SCG5: variants seen among roughly 807,000 people sequenced by gnomAD.
SCG5 encodes neuroendocrine protein 7B2.
SCG5 carries 18 observed loss-of-function variants against 25.7 expected under a neutral mutation model. That is an observed-to-expected ratio of 0.70 (90% CI 0.48 to 1.04). The LOEUF (loss-of-function observed/expected upper bound fraction) is 1.04, where lower values mean the gene tolerates loss of function less well. Ranked by LOEUF, SCG5 falls within the 50% of genes least tolerant of loss-of-function variation. SCG5 has a pLI of 0.00. For synonymous variants in SCG5, 101 were observed against 91.7 expected (o/e 1.10, Z -0.58); for missense variants, 206 against 259.8 (o/e 0.79, Z 1.42).
rs143250198 is a variant in SCG5 at position 32,660,939 on chromosome 15, T to C, written c.226+17121T>C. Among the ~76,000 whole-genome samples, 575 of 152,360 alleles carry C rather than the reference T, an allele frequency of 3.8e-3. 2 individuals are homozygous for C. The highest frequency in any genetic ancestry group is 0.013 in the African/African-American group (550 of 41,586). On this transcript the variant is annotated intron_variant, in intron 2 of 5. Transcript: ENST00000300175. ...TGGAATGGATAATTGAGATATAATT[T>C]AAAGGGTAGAATATATTCTTTCTAT...
intron 2 of SCG5, among the ~76,000 whole-genome samples, chr15:32,676,372 C>T (rs2054530721): frequency 6.6e-6 from 1 of 152,188 alleles, no homozygotes; most frequent in Non-Finnish European, 1.5e-5. Context: ...CTGTTTGCTT[C>T]CTTCATTAAT....
At position 32,692,190 on chromosome 15, in the gene SCG5, G is replaced by C. The variant is rs369374071; in HGVS notation, c.543+427G>C. 51 of 1,011,004 alleles carry C rather than the reference G, an allele frequency of 5.0e-5. No individual in the cohort carries two copies. In the East Asian group the frequency reaches 3.7e-3, roughly 73 times the overall value. The allele number at this position is 1,011,004 out of a possible 1,614,324, so 62.6% of individuals were successfully genotyped here. Reference sequence around the variant, plus strand: ...GGAAGTGCTGAACTGCATGCTCCAGGAAATAACTTTGAAGGAATTCGGGAG... The same window carrying C: ...GGAAGTGCTGAACTGCATGCTCCAGCAAATAACTTTGAAGGAATTCGGGAG... On this transcript the variant is annotated intron_variant, in intron 5 of 5. Coordinates refer to ENST00000300175, the MANE Select transcript of SCG5 (RefSeq NM_001144757.3).
chr15:32,669,887 C>T (rs574448030), intron 2 of SCG5, among the ~76,000 whole-genome samples: 55 of 150,950 alleles, frequency 3.6e-4, no homozygotes, highest in African/African-American at 9.7e-4. Flanking sequence ...AAAAAATACA[C>T]GTTTTCTCCT....
chr15:32,690,672 T>C (rs1375872485), intron 4 of SCG5, among the ~76,000 whole-genome samples: 1 of 152,176 alleles, frequency 6.6e-6, no homozygotes, highest in Non-Finnish European at 1.5e-5. Flanking sequence ...ACGTGAAAAA[T>C]GATGAAGCTC....
intron 4 of SCG5, 146 bp from the exon 5 acceptor site, chr15:32,691,564 C>T (rs1356549472): frequency 4.4e-6 from 3 of 689,086 alleles, no homozygotes; most frequent in African/African-American, 1.8e-5. Context: ...ATCTTTCTGA[C>T]ACGACATTCC....
At position 32,668,229 on chromosome 15, in the gene SCG5, A is replaced by G. The variant is rs76710702; in HGVS notation, c.227-11537A>G. Among the ~76,000 whole-genome samples, 11 of 152,368 alleles carry G rather than the reference A, an allele frequency of 7.2e-5. No homozygotes were observed. In the East Asian group the frequency reaches 2.1e-3, roughly 29 times the overall value. On this transcript the variant is annotated intron_variant, in intron 2 of 5. Transcript: ENST00000300175. ...ACTCAGAAACAGAAAAGAATTTTCT[A>G]TGAGATTACTGTCTAAAACAAATGT...
At chr15:32,642,787 A>G (rs958334313) in intron 1 of SCG5, among the ~76,000 whole-genome samples, 1 of 152,032 alleles carries the variant, frequency 6.6e-6, no homozygotes, top group African/African-American at 2.4e-5. Context: ...TCTAACCTCC[A>G]GAACTGTTAA....
At chr15:32,667,677 C>CAT (rs35467552) in intron 2 of SCG5, among the ~76,000 whole-genome samples, 1 of 145,840 alleles carries the variant, frequency 6.9e-6, no homozygotes, top group Admixed American at 6.8e-5. Context: ...TAGTTTTATT[C>CAT]TTTTTTTTTT....
intron 2 of SCG5, among the ~76,000 whole-genome samples, chr15:32,648,786 A>ATTTTT (rs1322494174): frequency 5.0e-5 from 6 of 120,252 alleles, no homozygotes; most frequent in Admixed American, 1.8e-4. Context: ...TTTTTTTTAA[A>ATTTTT]AAAAAAACAG....
intron 2 of SCG5, among the ~76,000 whole-genome samples, chr15:32,650,934 A>T (rs1450421188): frequency 6.6e-6 from 1 of 152,218 alleles, no homozygotes; most frequent in African/African-American, 2.4e-5. Context: ...GCGATGGCTC[A>T]CGCCTGTAAT....
intron 4 of SCG5, among the ~76,000 whole-genome samples, chr15:32,686,322 G>A (rs965134135): frequency 6.6e-6 from 1 of 152,182 alleles, no homozygotes; most frequent in African/African-American, 2.4e-5. Context: ...ATTAAAGGAT[G>A]AAGTAAAAGG....
At chr15:32,661,408 T>C (rs2054215446) in intron 2 of SCG5, among the ~76,000 whole-genome samples, 1 of 152,036 alleles carries the variant, frequency 6.6e-6, no homozygotes, top group African/African-American at 2.4e-5. Context: ...TCACCTGAGG[T>C]TGGGAGTTCA....
intron 4 of SCG5, among the ~76,000 whole-genome samples, chr15:32,688,119 C>T (rs1311052998): frequency 6.6e-6 from 1 of 152,146 alleles, no homozygotes; most frequent in East Asian, 1.9e-4. Flanking sequence ...ACTTTACAAG[C>T]TGAATACATT....
At chr15:32,689,973 C>G (rs991711583) in intron 4 of SCG5, among the ~76,000 whole-genome samples, 6 of 151,968 alleles carry the variant, frequency 3.9e-5, no homozygotes, top group African/African-American at 1.5e-4. Flanking sequence ...TCCTGAGTAG[C>G]TGGGACTACA....
chr15:32,664,860 G>A (rs1196457746), intron 2 of SCG5, among the ~76,000 whole-genome samples: 2 of 152,222 alleles, frequency 1.3e-5, no homozygotes, highest in Non-Finnish European at 2.9e-5. Flanking sequence ...AGGAAACTAA[G>A]CTACCATCTC....
At chr15:32,655,365 C>A (rs1178847079) in intron 2 of SCG5, among the ~76,000 whole-genome samples, 1 of 152,070 alleles carries the variant, frequency 6.6e-6, no homozygotes, top group Non-Finnish European at 1.5e-5. Flanking sequence ...TGATCCTAAG[C>A]AAAATGAATT....
chr15:32,665,047 T>TA (rs2054296469), intron 2 of SCG5, among the ~76,000 whole-genome samples: 1 of 152,196 alleles, frequency 6.6e-6, no homozygotes, highest in Non-Finnish European at 1.5e-5. Flanking sequence ...TTGAGATGAG[T>TA]AAACCCTTTG....
intron 2 of SCG5, chr15:32,673,024 A>AG (rs1358233199): frequency 6.6e-6 from 1 of 151,946 alleles, no homozygotes; most frequent in Non-Finnish European, 1.5e-5. Context: ...CACTAGCCCC[A>AG]GCCAGGAGAG....
intron 2 of SCG5, among the ~76,000 whole-genome samples, chr15:32,666,983 C>T (rs971639783): frequency 6.6e-6 from 1 of 152,094 alleles, no homozygotes; most frequent in African/African-American, 2.4e-5. Flanking sequence ...TTGTGATGTA[C>T]TCTAAGTATA....
Sources: allele counts gnomAD v4.1 joint callset (sites outside exome capture counted in the v4.1 genomes callset), GRCh38; gene constraint gnomAD v4.1.1; transcripts MANE v1.5; gene names NCBI Gene and HGNC (gene_info 2026-07-23, HGNC 2026-07-21).